The following CCDC18 variants were observed in gnomAD, a reference collection of about 807,000 sequenced individuals.
CCDC18 encodes coiled-coil domain containing 18.
CCDC18 carries 157 observed loss-of-function variants against 196.0 expected under a neutral mutation model. The observed-to-expected ratio is 0.80, with a 90% CI of 0.70 to 0.91. The LOEUF (loss-of-function observed/expected upper bound fraction) is 0.91. CCDC18 is among the 40% of genes least tolerant of loss of function. The pLI is 0.00. For synonymous variants in CCDC18, 482 were observed against 529.2 expected (o/e 0.91, Z 1.22); for missense variants, 1,465 against 1,611.6 (o/e 0.91, Z 1.56).
intron 28 of CCDC18, 55 bp from the exon 29 acceptor site, chr1:93,278,408 C>A: frequency 4.1e-6 from 3 of 737,904 alleles, no homozygotes; most frequent in South Asian, 2.8e-5. Flanking sequence ...ACTTTTAATG[C>A]TAAATCAGTT....
chr1:93,263,313 A>G (rs987502135), intron 26 of CCDC18, among the ~76,000 whole-genome samples: 2 of 152,160 alleles, frequency 1.3e-5, no homozygotes, highest in Non-Finnish European at 2.9e-5. Flanking sequence ...CCACATGGCC[A>G]AGCTGCAATT....
In CCDC18 at chr1:93,229,985, A is replaced by G. The variant is rs560997306; in HGVS notation, c.2293-2441A>G. Among the ~76,000 whole-genome samples, 135 of 152,018 alleles carry G rather than the reference A, an allele frequency of 8.9e-4. 1 individual carries two copies. The highest frequency in any genetic ancestry group is 1.3e-3 in the Non-Finnish European group (89 of 67,994). ...TGGACTTAGATTTTGAGAAGCTGGC[A>G]TCATATTTCTGCATTATATTTTATT... On this transcript the variant is annotated intron_variant, in intron 17 of 28. Coordinates refer to ENST00000690025, the MANE Select transcript of CCDC18 (RefSeq NM_001378204.1).
At chr1:93,188,886 T>C (rs1651208397) in intron 4 of CCDC18, among the ~76,000 whole-genome samples, 1 of 152,178 alleles carries the variant, frequency 6.6e-6, no homozygotes, top group Non-Finnish European at 1.5e-5. Context: ...TGGAGTACAT[T>C]AGGTTTTTTG....
At position 93,246,923 on chromosome 1, in the gene CCDC18, C is replaced by G. The variant is rs1661565525; in HGVS notation, c.3167C>G (p.Ser1056Ter). ...AAATTAGAAGGTACTCTGGAGAAAT[C>G]AGAATTGGAACTTAAAGAATGTAAC... ...IIKLEGTLEK[S>*]ELELKECNKQ... The change falls in exon 23 of 29, where the codon TCA (serine) becomes TGA (stop). Residue 1056 changes from serine to a stop codon, truncating the protein, a stop_gained. Transcript: ENST00000690025. LOFTEE classifies it high-confidence loss of function. The G allele has an allele frequency of 3.5e-6, 5 of 1,430,426 alleles. No individual in the cohort carries two copies. 88.6% of individuals were successfully genotyped at this position (1,430,426 alleles called of 1,614,324 possible).
At chr1:93,183,091 T>C (rs186316908) in intron 1 of CCDC18, among the ~76,000 whole-genome samples, 40 of 152,250 alleles carry the variant, frequency 2.6e-4, no homozygotes, top group Admixed American at 1.8e-3. Flanking sequence ...GTTAGGAAGA[T>C]CAGGTATGCT....
Position 93,221,925 on chromosome 1 carries a change from GA to G in CCDC18, c.2167del (p.Thr723GlnfsTer7). The G allele has an allele frequency of 6.3e-7, 1 of 1,579,424 alleles. No homozygotes were observed. The highest frequency in any genetic ancestry group is 2.3e-5 in the East Asian group (1 of 44,200). On this transcript the variant is annotated frameshift_variant, in exon 16 of 29. Transcript: ENST00000690025. LOFTEE classifies it high-confidence loss of function. ...LKALQNQVSEETIKVRQLDSA... is the reference protein window; with the variant it reads ...LKALQNQVSEXTIKVRQLDSA... Reference sequence around the variant, plus strand: ...AGCATTACAGAACCAAGTATCTGAAGAAACAATCAAGGCTAGTATGCTAATA... The same window carrying G: ...AGCATTACAGAACCAAGTATCTGAAGAACAATCAAGGCTAGTATGCTAATA...
At chr1:93,203,839 CA>C (rs1444589165) in intron 7 of CCDC18, among the ~76,000 whole-genome samples, 6 of 150,638 alleles carry the variant, frequency 4.0e-5, no homozygotes, top group Admixed American at 4.0e-4. Context: ...TGTAAAAAAT[CA>C]GAAAAAAAAA....
At chr1:93,204,247 T>A (rs926484694) in intron 7 of CCDC18, among the ~76,000 whole-genome samples, 2 of 152,126 alleles carry the variant, frequency 1.3e-5, no homozygotes, top group African/African-American at 4.8e-5. Flanking sequence ...TTCTTTTTTT[T>A]AATGAAATAG....
At chr1:93,230,817 G>A (rs1222252823) in intron 17 of CCDC18, among the ~76,000 whole-genome samples, 1 of 152,140 alleles carries the variant, frequency 6.6e-6, no homozygotes, top group Non-Finnish European at 1.5e-5. Flanking sequence ...ATTTAAACCT[G>A]TCTTGCAGGC....
rs754371061 is a variant in CCDC18 at position 93,270,666 on chromosome 1, A to T, written c.4205A>T (p.Asp1402Val). The T allele has an allele frequency of 1.3e-5, 20 of 1,550,372 alleles. No individual in the cohort carries two copies. In the South Asian group the frequency reaches 2.4e-4, roughly 18 times the overall value. Residue 1402 changes from aspartate (D) to valine (V), a missense_variant, in exon 28 of 29, where the codon GAC (aspartate) becomes GTC (valine). By Grantham distance (152) the Asp-to-Val change is radical. Transcript: ENST00000690025. ...AAGAATCTGACTTACACCCAGCCAG[A>T]CTCATTTAAACCTCTCACATATAAC... is the stretch of plus-strand genomic sequence containing the variant. ...SHKNLTYTQP[D>V]SFKPLTYNLE...
rs1655744979 is a variant in CCDC18, at chr1:93,212,098, C to T, written c.1335-3C>T. On this transcript the variant is annotated splice_region_variant and splice_polypyrimidine_tract_variant and intron_variant, in intron 10 of 28. Transcript: ENST00000690025. ...ATTTTTCCCTTCTTTTCTTTTGTGC[C>T]AGAATTAAGCTTGCAATAAAAGAGG... The T allele has an allele frequency of 3.2e-6, 5 of 1,586,622 alleles. No homozygotes were observed. Among genetic ancestry groups the T allele is most frequent in the Non-Finnish European group, 4.3e-6 (5 of 1,171,530 alleles).
intron 14 of CCDC18, among the ~76,000 whole-genome samples, chr1:93,218,814 C>G (rs776486433): frequency 1.3e-5 from 2 of 152,150 alleles, no homozygotes; most frequent in Non-Finnish European, 2.9e-5. Flanking sequence ...GCCCAGCCTC[C>G]TTTGCACTTT....
At chr1:93,227,174 CTTTTTTTTT>C (rs36053002) in intron 17 of CCDC18, among the ~76,000 whole-genome samples, 2 of 103,706 alleles carry the variant, frequency 1.9e-5, no homozygotes, top group Non-Finnish European at 3.8e-5. Context: ...CATTGGAAAC[CTTTTTTTTT>C]TTTTTTTTTT....
Position 93,256,367 on chromosome 1 carries a change from T to A in CCDC18, c.3375T>A (p.Thr1125=). ...AAGAGCAAGAACAGTACATTGCCAC[T>A]CAGTACAAGGAGGCCATAGATTTGG... ...VMKEQEQYIA[T]QYKEAIDLGQ... is the part of the protein sequence containing the mutation. The change falls in exon 25 of 29, where the codon ACT becomes ACA. Residue 1125 remains threonine, a synonymous_variant. Transcript: ENST00000690025. 1 of 1,614,054 alleles carries A rather than the reference T, an allele frequency of 6.2e-7. No individual in the cohort carries two copies. The highest frequency in any genetic ancestry group is 8.5e-7 in the Non-Finnish European group (1 of 1,179,984).
At chr1:93,234,496 T>A (rs144522749) in intron 18 of CCDC18, among the ~76,000 whole-genome samples, 119 of 152,260 alleles carry the variant, frequency 7.8e-4, no homozygotes, top group African/African-American at 2.8e-3. Flanking sequence ...TTCTTTGTGA[T>A]CTTGTTTTAA....
At chr1:93,191,004 T>C in intron 4 of CCDC18, 1 of 1,017,332 alleles carries the variant, frequency 9.8e-7, no homozygotes, top group Non-Finnish European at 1.5e-6. Context: ...CTTTCTAGGG[T>C]TGGTGCTTGC....
chr1:93,230,259 T>C (rs1016347671), intron 17 of CCDC18, among the ~76,000 whole-genome samples: 9 of 151,840 alleles, frequency 5.9e-5, no homozygotes, highest in Non-Finnish European at 1.2e-4. Context: ...CCCAACACTT[T>C]GGGAGGCTGA....
chr1:93,239,988 C>A, intron 21 of CCDC18, 92 bp downstream of exon 21: 2 of 913,038 alleles, frequency 2.2e-6, no homozygotes, highest in African/African-American at 1.7e-5. Context: ...CTAAATTTCT[C>A]AACTGTCTTT....
At chr1:93,247,016 A>G in intron 23 of CCDC18, 62 bp downstream of exon 23, 1 of 712,368 alleles carries the variant, frequency 1.4e-6, no homozygotes, top group Non-Finnish European at 2.4e-6. Flanking sequence ...CTGTAACTAA[A>G]AACACCCCTT....
Sources: allele counts gnomAD v4.1 joint callset (sites outside exome capture counted in the v4.1 genomes callset), GRCh38; gene constraint gnomAD v4.1.1; transcripts MANE v1.5; gene names NCBI Gene and HGNC (gene_info 2026-07-23, HGNC 2026-07-21).